The following RNF144A variants were observed in gnomAD, a reference collection of about 807,000 sequenced individuals.
The protein encoded by RNF144A is ring finger protein 144A.
Under a neutral mutation model 38.7 loss-of-function variants are expected in RNF144A, and 11 were observed. The observed-to-expected ratio is 0.28, with a 90% confidence interval of 0.18 to 0.47. RNF144A has a LOEUF of 0.47. Among genes scored for constraint, RNF144A ranks in the 20% least tolerant of loss-of-function variants. RNF144A has a pLI of 0.99. For missense variants in RNF144A, 316 were observed against 377.2 expected (o/e 0.84, Z 1.34); for synonymous variants, 149 against 143.9 (o/e 1.04, Z -0.25).
chr2:6,984,549 G>A (rs533710767), intron 2 of RNF144A, among the ~76,000 whole-genome samples: 2 of 152,214 alleles, frequency 1.3e-5, no homozygotes, highest in Non-Finnish European at 1.5e-5. Flanking sequence ...TGATCCGCCC[G>A]CCTCAGCCTC....
At chr2:7,004,786 A>G (rs1670331397) in intron 3 of RNF144A, among the ~76,000 whole-genome samples, 1 of 152,178 alleles carries the variant, frequency 6.6e-6, no homozygotes, top group African/African-American at 2.4e-5. Context: ...TAAACTTACA[A>G]TAGCATTTCA....
chr2:7,013,235 G>T (rs561005502), intron 3 of RNF144A, among the ~76,000 whole-genome samples: 1 of 152,230 alleles, frequency 6.6e-6, no homozygotes, highest in Middle Eastern at 3.4e-3. Context: ...TGTGAGGTAG[G>T]TTAAACCACC....
chr2:6,993,291 G>A (rs1669513479), intron 2 of RNF144A, among the ~76,000 whole-genome samples: 3 of 152,144 alleles, frequency 2.0e-5, no homozygotes, highest in Admixed American at 6.5e-5. Flanking sequence ...TGGGGCTGGC[G>A]GGGGAAGTGG....
At position 6,940,980 on chromosome 2, in the gene RNF144A, C is replaced by T. The variant is rs538356908; in HGVS notation, c.-179C>T. On this transcript the variant is annotated 5_prime_UTR_variant, in exon 2 of 9. Coordinates refer to ENST00000320892, the MANE Select transcript of RNF144A (RefSeq NM_014746.6). ...GTACCCTGCTGACTCTGACATGCCC[C>T]CAGCCTCCCCCAGCTCTGCAGGGAG... 7.9e-5 allele frequency: 12 copies of T among 152,586 alleles called. No individual in the cohort carries two copies. The highest frequency in any genetic ancestry group is 2.4e-4 in the African/African-American group (10 of 41,532). 9.5% of individuals were successfully genotyped at this position (152,586 alleles called of 1,614,324 possible).
chr2:6,965,110 C>T (rs964311113), intron 2 of RNF144A, among the ~76,000 whole-genome samples: 1 of 152,170 alleles, frequency 6.6e-6, no homozygotes, highest in Non-Finnish European at 1.5e-5. Context: ...GAATTGTCCA[C>T]AAACAGGTGT....
chr2:6,973,117 A>G (rs1010424937), intron 2 of RNF144A, among the ~76,000 whole-genome samples: 1 of 152,232 alleles, frequency 6.6e-6, no homozygotes, highest in African/African-American at 2.4e-5. Context: ...ATGAGGCAAT[A>G]TACAACTAAT....
chr2:7,019,605 T>C (rs1168077996), intron 5 of RNF144A, among the ~76,000 whole-genome samples: 1 of 152,250 alleles, frequency 6.6e-6, no homozygotes, highest in Non-Finnish European at 1.5e-5. Flanking sequence ...GAGAGCTTTC[T>C]GGCAGAGCCT....
chr2:6,938,250 C>CTT (rs36100558), intron 1 of RNF144A, among the ~76,000 whole-genome samples: 3 of 114,498 alleles, frequency 2.6e-5, no homozygotes, highest in African/African-American at 9.5e-5. Flanking sequence ...CCTCCCCTCC[C>CTT]TTTTTTTTTT....
intron 3 of RNF144A, among the ~76,000 whole-genome samples, chr2:7,009,059 C>T (rs1015228818): frequency 6.6e-6 from 1 of 152,108 alleles, no homozygotes; most frequent in South Asian, 2.1e-4. Context: ...GAGGCATTAC[C>T]CCTGGCCTTA....
At chr2:6,939,865 A>C (rs1429886706) in intron 1 of RNF144A, among the ~76,000 whole-genome samples, 1 of 152,152 alleles carries the variant, frequency 6.6e-6, no homozygotes, top group Non-Finnish European at 1.5e-5. Flanking sequence ...ATTAACCAGA[A>C]ATGTAGATGC....
At chr2:6,934,066 T>C (rs1665388400) in intron 1 of RNF144A, among the ~76,000 whole-genome samples, 1 of 152,208 alleles carries the variant, frequency 6.6e-6, no homozygotes, top group Admixed American at 6.5e-5. Flanking sequence ...ATGTGTGTTT[T>C]ATGTTTTGAT....
At chr2:6,999,448 G>A (rs1451105167) in intron 3 of RNF144A, among the ~76,000 whole-genome samples, 1 of 152,106 alleles carries the variant, frequency 6.6e-6, no homozygotes, top group Non-Finnish European at 1.5e-5. Flanking sequence ...TTTTTTGGGG[G>A]GTGCAGACAT....
intron 2 of RNF144A, among the ~76,000 whole-genome samples, chr2:6,981,531 C>T (rs1260155121): frequency 6.6e-6 from 1 of 152,158 alleles, no homozygotes; most frequent in African/African-American, 2.4e-5. Context: ...CCACCAGTCT[C>T]TTTACTAAAG....
At chr2:7,031,826 G>A (rs1451840362) in intron 8 of RNF144A, among the ~76,000 whole-genome samples, 2 of 152,256 alleles carry the variant, frequency 1.3e-5, no homozygotes, top group Non-Finnish European at 2.9e-5. Flanking sequence ...TCTTGGCCTC[G>A]CAGGCCGTAG....
In RNF144A at chr2:7,064,027, T is replaced by C. The variant is rs1173180324; in HGVS notation, c.735-4189T>C. ...AAGGCAGAAGTGAAATGTGAGTACA[T>C]GAGACAGAGAGACACCACAGGGGCT... is the stretch of plus-strand genomic sequence containing the variant. On this transcript the variant is annotated intron_variant, in intron 6 of 6. Coordinates refer to the RNF144A transcript ENST00000432850. Among the ~76,000 whole-genome samples, 7 of 152,270 alleles carry C rather than the reference T, an allele frequency of 4.6e-5. No individual in the cohort carries two copies. The East Asian group carries it at 1.3e-3, about 29-fold the overall frequency.
chr2:7,046,122 TG>T (rs539204149), downstream of RNF144A, among the ~76,000 whole-genome samples: 310 of 152,338 alleles, frequency 2.0e-3, 1 homozygote, highest in Middle Eastern at 0.014. Flanking sequence ...ATTCTAAACT[TG>T]ACTTGTTTGC....
rs142495397 is a variant in RNF144A, at chr2:7,004,444, A to T, written c.135+7383A>T. Among the ~76,000 whole-genome samples the T allele has an allele frequency of 3.4e-3, 523 of 152,292 alleles. 2 individuals carry two copies. Among genetic ancestry groups the T allele is most frequent in the African/African-American group, 0.012 (506 of 41,568 alleles). The stretch of plus-strand genomic sequence containing the variant: ...TAAGATGGGATCTAGTAACTGGCTT[A>T]GAGTCTGGCCCGACTCTAGGATCCA... On this transcript the variant is annotated intron_variant, in intron 3 of 8. Transcript: ENST00000320892.
chr2:6,964,711 A>G (rs1667543940), intron 2 of RNF144A, among the ~76,000 whole-genome samples: 1 of 152,220 alleles, frequency 6.6e-6, no homozygotes, highest in African/African-American at 2.4e-5. Context: ...TCAGTAAACT[A>G]TCGCAAGAAC....
chr2:6,986,545 C>T (rs932196), intron 2 of RNF144A, among the ~76,000 whole-genome samples: 27,295 of 152,106 alleles, frequency 0.18, 3,125 homozygotes, highest in Non-Finnish European at 0.26. Flanking sequence ...ACCAAATAGA[C>T]GAGTCTCCCA....
Sources: allele counts gnomAD v4.1 joint callset (sites outside exome capture counted in the v4.1 genomes callset), GRCh38; gene constraint gnomAD v4.1.1; transcripts MANE v1.5; gene names NCBI Gene and HGNC (gene_info 2026-07-23, HGNC 2026-07-21).